The following ABCA7 variants were observed in gnomAD, a reference collection of about 807,000 sequenced individuals.
ABCA7 encodes the protein phospholipid-transporting ATPase ABCA7.
A neutral mutation model predicts 227.6 loss-of-function variants in ABCA7; 261 were observed. The ratio of observed to expected loss-of-function variants is 1.15; its 90% CI spans 1.04 to 1.27. ABCA7 has a LOEUF of 1.27. ABCA7 is among the 50% of genes most tolerant of loss of function. ABCA7 has a pLI of 0.00. For synonymous variants in ABCA7, 1,488 were observed against 1,279.7 expected, an observed-to-expected ratio of 1.16 and a Z score of -3.47; for missense variants, 3,331 against 2,924.5, an observed-to-expected ratio of 1.14 and a Z score of -3.21.
Position 1,063,816 on chromosome 19 carries a change from T to C in ABCA7, c.5904T>C (p.Leu1968=), listed in dbSNP as rs563306772. The change falls in exon 44 of 47, where the codon CTT becomes CTC. Residue 1968 remains leucine, a synonymous_variant. Transcript: ENST00000263094. ...CGCGGCGCTTCCTTTGGAACAGCCTTTTGGCCGTGGTGCGGGAGGGCCGTT... is the reference window on the plus strand; with the variant it reads ...CGCGGCGCTTCCTTTGGAACAGCCTCTTGGCCGTGGTGCGGGAGGGCCGTT... ...PSARRFLWNS[L]LAVVREGRSV... is the part of the protein sequence containing the mutation. 8 of 1,545,110 alleles carry C rather than the reference T, an allele frequency of 5.2e-6. No homozygotes were observed. Among genetic ancestry groups the C allele is most frequent in the Non-Finnish European group, 7.0e-6 (8 of 1,145,450 alleles).
intron 30 of ABCA7, among the ~76,000 whole-genome samples, 155 bp downstream of exon 30, chr19:1,055,506 T>C (rs1026275961): frequency 6.9e-6 from 1 of 144,608 alleles, no homozygotes; most frequent in Non-Finnish European, 1.5e-5. Flanking sequence ...CCTCTTTTTT[T>C]TTTTTTTTTT....
rs1229814368 is a variant in ABCA7 at position 1,055,912 on chromosome 19, A to G, written c.4211A>G (p.Lys1404Arg). 3 of 1,592,254 alleles carry G rather than the reference A, an allele frequency of 1.9e-6. No individual in the cohort carries two copies. The East Asian group carries it at 6.7e-5, about 36-fold the overall frequency. Residue 1404 changes from lysine to arginine, a missense_variant, in exon 31 of 47, where the codon AAG (lysine) becomes AGG (arginine). Lys to Arg is a conservative substitution (Grantham distance 26). Transcript: ENST00000263094. ...TCTGTCCATCTCTCCCACAGCCTGA[A>G]GACTAAGAAGTGGGTGAATGAGGTC... is the stretch of plus-strand genomic sequence containing the variant. ...TYPRLVRQGLKTKKWVNEVRY... is the reference protein window; with the variant it reads ...TYPRLVRQGLRTKKWVNEVRY...
Position 1,042,803 on chromosome 19 carries a change from G to A in ABCA7, c.556G>A (p.Ala186Thr), listed in dbSNP as rs1009219611. ...AQEPLHSLLE[A>T]AEDLAQELLA... ...GGAGCCCTTGCACAGCTTGTTGGAG[G>A]CCGCTGAGGACCTGGCCCAGGAGGT... Residue 186 changes from alanine (A) to threonine (T), a missense_variant, in exon 7 of 47, where the codon GCC becomes ACC. By Grantham distance (58) the Ala-to-Thr change is moderately conservative (BLOSUM62 0). Coordinates refer to ENST00000263094, the MANE Select transcript of ABCA7 (RefSeq NM_019112.4). 1.1e-5 allele frequency: 18 copies of A among 1,611,044 alleles called. No individual in the cohort carries two copies. Among genetic ancestry groups the A allele is most frequent in the Non-Finnish European group, 1.4e-5 (17 of 1,179,210 alleles).
chr19:1,064,566 A>T, intron 45 of ABCA7: 24 of 286,634 alleles, frequency 8.4e-5, no homozygotes, highest in Non-Finnish European at 1.1e-4. Flanking sequence ...GGGCCTGGTT[A>T]GTGGGCGGGG....
In ABCA7 at chr19:1,045,050, G is replaced by C. The variant is rs1338625656; in HGVS notation, c.1264G>C (p.Val422Leu). Residue 422 changes from valine to leucine, a missense_variant, in exon 12 of 47, where the codon GTG becomes CTG. Val to Leu is a conservative substitution (Grantham distance 32). Transcript: ENST00000263094. ...LEAAPSEAAL[V>L]SRALQLLAEH... ...GGCGGCACCCTCAGAGGCAGCCCTG[G>C]TGTCGCGGGCCCTGCAACTGCTCGC... is the stretch of plus-strand genomic sequence containing the variant. 3 of 1,612,854 alleles carry C rather than the reference G, an allele frequency of 1.9e-6. No individual in the cohort carries two copies. Among genetic ancestry groups the C allele is most frequent in the Non-Finnish European group, 2.5e-6 (3 of 1,179,978 alleles).
At chr19:1,046,581 G>C (rs1235516481) in intron 13 of ABCA7, among the ~76,000 whole-genome samples, 175 bp downstream of exon 13, 3 of 87,094 alleles carry the variant, frequency 3.4e-5, no homozygotes, top group Non-Finnish European at 5.1e-5. Flanking sequence ...AGGGTCTGGT[G>C]GGGGGGGGGA....
chr19:1,063,413 A>T, intron 42 of ABCA7, 131 bp from the exon 43 acceptor site: 1 of 1,293,728 alleles, frequency 7.7e-7, no homozygotes, highest in Non-Finnish European at 1.0e-6. Context: ...ACTATGTCCC[A>T]TTCTCACATT....
At position 1,047,542 on chromosome 19, in the gene ABCA7, G is replaced by A; in HGVS notation, c.2157G>A (p.Val719=). The A allele has an allele frequency of 6.3e-7, 1 of 1,599,630 alleles. No homozygotes were observed. Among genetic ancestry groups the A allele is most frequent in the Non-Finnish European group, 8.5e-7 (1 of 1,177,990 alleles). The change falls in exon 16 of 47, where the codon GTG becomes GTA. Residue 719 remains valine (V), a synonymous_variant. Transcript: ENST00000263094. ...GCGAGGGCGCGCAGTGGCACAACGT[G>A]GGCACCCGGCCTACGGCAGACGTCT... is the stretch of plus-strand genomic sequence containing the variant. The part of the protein sequence containing the change: ...EQGEGAQWHN[V]GTRPTADVFS...
Position 1,053,804 on chromosome 19 carries a change from T to C in ABCA7, c.3440T>C (p.Val1147Ala), listed in dbSNP as rs1165704212. ...TSLEEIFLKV[V>A]EECAADTDME... ...TCTCCCCAGATCTTCCTGAAGGTGG[T>C]GGAGGAGTGTGCTGCGGACACAGAT... The change falls in exon 25 of 47, where the codon GTG becomes GCG. Residue 1147 changes from valine (V) to alanine (A), a missense_variant. Coordinates refer to ENST00000263094, the MANE Select transcript of ABCA7 (RefSeq NM_019112.4). The C allele has an allele frequency of 6.2e-7, 1 of 1,612,154 alleles. No homozygotes were observed. The highest frequency in any genetic ancestry group is 8.5e-7 in the Non-Finnish European group (1 of 1,178,860).
Position 1,058,756 on chromosome 19 carries a change from G to T in ABCA7, c.5279+9G>T. The T allele has an allele frequency of 6.2e-7, 1 of 1,611,244 alleles. No homozygotes were observed. The highest frequency in any genetic ancestry group is 2.2e-5 in the East Asian group (1 of 44,832). On this transcript the variant is annotated intron_variant, in intron 38 of 46. Coordinates refer to ENST00000263094, the MANE Select transcript of ABCA7 (RefSeq NM_019112.4). ...AGCCAACTCCTGCCACAGTTAGTGA[G>T]GTCTATGGAGAGGGTGGCAGGGGCC... is the stretch of plus-strand genomic sequence containing the variant.
chr19:1,043,279 T>C (rs1425285545), intron 8 of ABCA7, 28 bp downstream of exon 8: 2 of 1,611,076 alleles, frequency 1.2e-6, no homozygotes, highest in African/African-American at 2.7e-5. Flanking sequence ...GTTTCCCCTC[T>C]TGGGAAGTGG....
intron 12 of ABCA7, 25 bp downstream of exon 12, chr19:1,045,256 G>GGGGGGT: frequency 2.3e-6 from 2 of 862,028 alleles, no homozygotes; most frequent in Non-Finnish European, 1.8e-6. Context: ...GGGGCGGGGG[G>GGGGGGT]ATGAGGGACT....
At chr19:1,041,104 C>G in intron 1 of ABCA7, 121 bp from the exon 2 acceptor site, 2 of 580,796 alleles carry the variant, frequency 3.4e-6, no homozygotes, top group East Asian at 2.9e-5. Flanking sequence ...CTCAGAGCGA[C>G]AGTCCTGGCA....
In ABCA7 at chr19:1,047,072, G is replaced by A. The variant is rs551793736; in HGVS notation, c.1845+48G>A. 1.9e-5 allele frequency: 29 copies of A among 1,551,612 alleles called. No homozygotes were observed. In the South Asian group the frequency reaches 3.2e-4, roughly 17 times the overall value. On this transcript the variant is annotated intron_variant, in intron 14 of 46. Coordinates refer to ENST00000263094, the MANE Select transcript of ABCA7 (RefSeq NM_019112.4). The stretch of plus-strand genomic sequence containing the variant: ...GGCTGCAGAATGGGTGCGCTGGAGG[G>A]TGACAGACAGGGGCGGCCCCACGTG...
rs1236850133 is a variant in ABCA7 at position 1,049,322 on chromosome 19, G to A, written c.2437G>A (p.Glu813Lys). Residue 813 changes from glutamate (E) to lysine (K), a missense_variant, in exon 18 of 47, where the codon GAG (glutamate) becomes AAG (lysine). Glu to Lys is a moderately conservative substitution (Grantham distance 56). Coordinates refer to ENST00000263094, the MANE Select transcript of ABCA7 (RefSeq NM_019112.4). The stretch of plus-strand genomic sequence containing the variant: ...TCCTGGCGTCTCCGTTCGCAGCCTG[G>A]AGAAGCGCTTTCCTGGAAGCCCGCA... ...LSPGVSVRSL[E>K]KRFPGSPQPA... 6.2e-7 allele frequency: 1 copy of A among 1,611,580 alleles called. No individual in the cohort carries two copies. Among genetic ancestry groups the A allele is most frequent in the Non-Finnish European group, 8.5e-7 (1 of 1,179,214 alleles).
rs767417118 is a variant in ABCA7 at position 1,046,333 on chromosome 19, G to T, written c.1549G>T (p.Val517Leu). The change falls in exon 13 of 47, where the codon GTG (valine) becomes TTG (leucine). Residue 517 changes from valine (V) to leucine (L), a missense_variant. Physicochemically the swap from Val to Leu is conservative, Grantham distance 32. Coordinates refer to ENST00000263094, the MANE Select transcript of ABCA7 (RefSeq NM_019112.4). Reference sequence around the variant, plus strand: ...CCTGGTGGAGCGTGCAGCCGTCCGCGTGCTCAGCGGCGCCAACCCCCGGGC... The same window carrying T: ...CCTGGTGGAGCGTGCAGCCGTCCGCTTGCTCAGCGGCGCCAACCCCCGGGC... Reference protein sequence around the residue: ...QDLVERAAVRVLSGANPRAGL... With the variant: ...QDLVERAAVRLLSGANPRAGL... 1 of 1,602,450 alleles carries T rather than the reference G, an allele frequency of 6.2e-7. No homozygotes were observed. Among genetic ancestry groups the T allele is most frequent in the African/African-American group, 1.3e-5 (1 of 74,958 alleles).
chr19:1,043,686 G>T (rs749233588), intron 9 of ABCA7, 39 bp from the exon 10 acceptor site: 1 of 1,596,996 alleles, frequency 6.3e-7, no homozygotes. Flanking sequence ...GGTCCTCAGA[G>T]GAGGAGAGGG....
chr19:1,063,597 T>C lies in ABCA7; in HGVS notation c.5766T>C (p.Pro1922=), dbSNP rs778736658. ...RLGLSWYADR[P]AGTYSGGNKR... is the part of the protein sequence containing the mutation. ...GACTCTCATGGTACGCAGACCGGCC[T>C]GCAGGCACCTACAGCGGAGGGAACA... is the stretch of plus-strand genomic sequence containing the variant. Residue 1922 remains proline, a synonymous_variant, in exon 43 of 47, where the codon CCT becomes CCC. Coordinates refer to ENST00000263094, the MANE Select transcript of ABCA7 (RefSeq NM_019112.4). 35 of 1,611,156 alleles carry C rather than the reference T, an allele frequency of 2.2e-5. No homozygotes were observed. Among genetic ancestry groups the C allele is most frequent in the Non-Finnish European group, 2.8e-5 (33 of 1,179,930 alleles).
rs773928838 is a variant in ABCA7 at position 1,045,110 on chromosome 19, G to A, written c.1324G>A (p.Gly442Arg). The A allele has an allele frequency of 7.4e-6, 12 of 1,612,980 alleles. No homozygotes were observed. Among genetic ancestry groups the A allele is most frequent in the South Asian group, 1.1e-5 (1 of 91,078 alleles). Reference sequence around the variant, plus strand: ...ATTCTGGGCCGGCGTCGTCTTCTTGGGACCTGAGGACTCTTCAGACCCCAC... The same window carrying A: ...ATTCTGGGCCGGCGTCGTCTTCTTGAGACCTGAGGACTCTTCAGACCCCAC... ...HRFWAGVVFL[G>R]PEDSSDPTEH... Residue 442 changes from glycine to arginine, a missense_variant, in exon 12 of 47, where the codon GGA (glycine) becomes AGA (arginine). Physicochemically the swap from Gly to Arg is moderately radical, Grantham distance 125. Coordinates refer to ENST00000263094, the MANE Select transcript of ABCA7 (RefSeq NM_019112.4).
Sources: allele counts gnomAD v4.1 joint callset (sites outside exome capture counted in the v4.1 genomes callset), GRCh38; gene constraint gnomAD v4.1.1; transcripts MANE v1.5; gene names NCBI Gene and HGNC (gene_info 2026-07-23, HGNC 2026-07-21).